PCDH1: variants seen among roughly 807,000 people sequenced by gnomAD.
The protein encoded by PCDH1 is protocadherin 1.
In PCDH1, 23 loss-of-function variants were observed where a neutral mutation model predicts 74.6. The ratio of observed to expected loss-of-function variants is 0.31; its 90% CI spans 0.22 to 0.44. PCDH1 has a LOEUF of 0.44. Ranked by LOEUF, PCDH1 falls within the 20% of genes least tolerant of loss-of-function variation. PCDH1 has a pLI of 1.00. For missense variants in PCDH1, 1,214 were observed against 1,641.4 expected (o/e 0.74, Z 4.50); for synonymous variants, 647 against 686.1 (o/e 0.94, Z 0.89).
In PCDH1 at chr5:141,868,415, G is replaced by A. The variant is rs749130520; in HGVS notation, c.903+154C>T. On this transcript the variant is annotated intron_variant, in intron 2 of 4. Coordinates refer to ENST00000287008, the MANE Select transcript of PCDH1 (RefSeq NM_032420.5). The surrounding 1 kb of genome is among the most constrained non-coding windows in gnomAD (Gnocchi z 4.8). ...TAATATCACCTGCTGGGGTGGGGTG[G>A]GAAAGACTCCCCTGGCTGAGTTTGG... The A allele has an allele frequency of 2.5e-5, 35 of 1,402,042 alleles. No homozygotes were observed. The highest frequency in any genetic ancestry group is 3.0e-5 in the Non-Finnish European group (32 of 1,082,858). The allele number at this position is 1,402,042 out of a possible 1,614,324, so 86.9% of individuals were successfully genotyped here.
rs764729762 is a variant in PCDH1, at chr5:141,869,570, C to A, written c.41-139G>T. 9.8e-6 allele frequency: 15 copies of A among 1,535,716 alleles called. No homozygotes were observed. The South Asian group carries it at 1.4e-4, about 15-fold the overall frequency. Reference sequence around the variant, plus strand: ...AAGAGCAGTCAGTCCCAGCACAGAACCCCGATTCCAGAAACTCAGATCCCT... The same window carrying A: ...AAGAGCAGTCAGTCCCAGCACAGAAACCCGATTCCAGAAACTCAGATCCCT... On this transcript the variant is annotated intron_variant, in intron 1 of 4. Coordinates refer to ENST00000287008, the MANE Select transcript of PCDH1 (RefSeq NM_032420.5). The surrounding 1 kb of genome is among the most constrained non-coding windows in gnomAD (Gnocchi z 4.9).
At chr5:141,866,087 C>A in intron 2 of PCDH1, 2 of 985,552 alleles carry the variant, frequency 2.0e-6, no homozygotes, top group Non-Finnish European at 2.4e-6. Context: ...CATCTGAAGG[C>A]CCCAGGTTGG....
rs187834793 is a variant in PCDH1, at chr5:141,866,214, C to T, written c.904-787G>A. The T allele has an allele frequency of 2.5e-5, 25 of 985,542 alleles. No homozygotes were observed. In the East Asian group the frequency reaches 1.5e-3, roughly 58 times the overall value. The allele number at this position is 985,542 out of a possible 1,614,324, so 61.0% of individuals were successfully genotyped here. On this transcript the variant is annotated intron_variant, in intron 2 of 4. Coordinates refer to ENST00000287008, the MANE Select transcript of PCDH1 (RefSeq NM_032420.5). The stretch of plus-strand genomic sequence containing the variant: ...CCTGTTTCAGCAGCAACTTCTCCTC[C>T]CGACTGGCACCGGCTGGCGAGGCAC...
rs556858145 is a variant in PCDH1, at chr5:141,865,762, T to C, written c.904-335A>G. On this transcript the variant is annotated intron_variant, in intron 2 of 4. Transcript: ENST00000287008. This position sits in a 1 kb window ranked among gnomAD's most constrained non-coding sequence, Gnocchi z 4.4. Reference sequence around the variant, plus strand: ...CAAAAATACCAGGAGAGGATGAGGATCCAATAGAACTAGGGAAGCCATTTC... The same window carrying C: ...CAAAAATACCAGGAGAGGATGAGGACCCAATAGAACTAGGGAAGCCATTTC... Among the ~76,000 whole-genome samples the C allele has an allele frequency of 1.9e-4, 29 of 152,306 alleles. No individual in the cohort carries two copies. In the East Asian group the frequency reaches 2.1e-3, roughly 11 times the overall value.
rs762626597 is a variant in PCDH1 at position 141,864,836 on chromosome 5, C to T, written c.1495G>A (p.Val499Ile). The T allele has an allele frequency of 1.5e-5, 25 of 1,614,094 alleles. No homozygotes were observed. The South Asian group carries it at 1.8e-4, about 11-fold the overall frequency. The change falls in exon 3 of 5, where the codon GTC (valine) becomes ATC (isoleucine). Residue 499 changes from valine (V) to isoleucine (I), a missense_variant. By Grantham distance (29) the Val-to-Ile change is conservative. Coordinates refer to ENST00000287008, the MANE Select transcript of PCDH1 (RefSeq NM_032420.5). This position sits in a 1 kb window ranked among gnomAD's most constrained non-coding sequence, Gnocchi z 5.9. The part of the protein sequence containing the change: ...TNSLKVQVVD[V>I]NDNAPVFTQS... ...GTGAAGACAGGTGCGTTGTCATTGA[C>T]GTCCACCACCTGCACCTTGAGGGAG...
At chr5:141,856,358 TTAGACAAGGGCCCGGGAGG>T in intron 4 of PCDH1, 1 of 58,944 alleles carries the variant, frequency 1.7e-5, no homozygotes, top group Non-Finnish European at 3.0e-5. Flanking sequence ...GCCTGGGAGG[TTAGACAAGGGCCCGGGAGG>T]TTAGACAAGG....
chr5:141,855,175 A>C (rs4912781), intron 4 of PCDH1, among the ~76,000 whole-genome samples: 46,869 of 151,538 alleles, frequency 0.31, 7,380 homozygotes, highest in Middle Eastern at 0.37. Context: ...GGTTTAAGCC[A>C]TGTTGCCCAG....
At chr5:141,856,308 G>T in intron 4 of PCDH1, 7 of 1,505,136 alleles carry the variant, frequency 4.7e-6, no homozygotes, top group Non-Finnish European at 6.3e-6. Context: ...ATCGCGCATG[G>T]AGGGGCGGGG....
At chr5:141,866,243 TGCGAGGAATCCGGCCTGAGCCTGCAGCCA>T in intron 2 of PCDH1, 1 of 985,486 alleles carries the variant, frequency 1.0e-6, no homozygotes, top group Non-Finnish European at 1.2e-6. Context: ...GAGGCACCAA[TGCGAGGAATCCGGCCTGAGCCTGCAGCCA>T]GGAGGGAGGG....
Position 141,868,404 on chromosome 5 carries a change from G to T in PCDH1, c.903+165C>A. On this transcript the variant is annotated intron_variant, in intron 2 of 4. Coordinates refer to ENST00000287008, the MANE Select transcript of PCDH1 (RefSeq NM_032420.5). The surrounding 1 kb of genome is among the most constrained non-coding windows in gnomAD (Gnocchi z 4.8). ...ATAGAGGAAAGTAATATCACCTGCT[G>T]GGGTGGGGTGGGAAAGACTCCCCTG... 7.2e-7 allele frequency: 1 copy of T among 1,393,968 alleles called. No homozygotes were observed. The highest frequency in any genetic ancestry group is 9.3e-7 in the Non-Finnish European group (1 of 1,079,452). The allele number at this position is 1,393,968 out of a possible 1,614,324, so 86.3% of individuals were successfully genotyped here.
chr5:141,876,048 G>T (rs1433978629), intron 1 of PCDH1, among the ~76,000 whole-genome samples: 1 of 152,224 alleles, frequency 6.6e-6, no homozygotes, highest in East Asian at 1.9e-4. Flanking sequence ...AGTCCGCACC[G>T]CCTTGGTCAG....
chr5:141,869,192 C>T lies in PCDH1; in HGVS notation c.280G>A (p.Val94Met), dbSNP rs1289225888. 3 of 1,614,070 alleles carry T rather than the reference C, an allele frequency of 1.9e-6. No individual in the cohort carries two copies. Among genetic ancestry groups the T allele is most frequent in the Admixed American group, 1.7e-5 (1 of 60,012 alleles). Residue 94 changes from valine (V) to methionine (M), a missense_variant, in exon 2 of 5, where the codon GTG becomes ATG. Physicochemically the swap from Val to Met is conservative, Grantham distance 21. This residue lies in a region of PCDH1 where 97 missense variants were observed against 173.2 expected (regional missense o/e 0.56). Coordinates refer to ENST00000287008, the MANE Select transcript of PCDH1 (RefSeq NM_032420.5). This position sits in a 1 kb window ranked among gnomAD's most constrained non-coding sequence, Gnocchi z 4.9. ...PDVGHLYKLE[V>M]GAPYLRVDGK... is the part of the protein sequence containing the mutation. The stretch of plus-strand genomic sequence containing the variant: ...TCCACGCGAAGGTACGGGGCACCCA[C>T]CTCTAGCTTGTACAGGTGCCCCACA...
Position 141,878,104 on chromosome 5 carries a change from C to A in PCDH1, c.40+119G>T. On this transcript the variant is annotated intron_variant, in intron 1 of 4. Transcript: ENST00000287008. This position sits in a 1 kb window ranked among gnomAD's most constrained non-coding sequence, Gnocchi z 5.5. Reference sequence around the variant, plus strand: ...AGCCCCCACCTCAGCCCCCTCGCGCCGAGCTCGTGTTGGGCCCCCGCGGCC... The same window carrying A: ...AGCCCCCACCTCAGCCCCCTCGCGCAGAGCTCGTGTTGGGCCCCCGCGGCC... 2 of 930,724 alleles carry A rather than the reference C, an allele frequency of 2.1e-6. No homozygotes were observed. Among genetic ancestry groups the A allele is most frequent in the Non-Finnish European group, 1.5e-6 (1 of 686,236 alleles). The allele number at this position is 930,724 out of a possible 1,614,324, so 57.7% of individuals were successfully genotyped here.
intron 3 of PCDH1, among the ~76,000 whole-genome samples, chr5:141,858,848 A>C (rs1752463393): frequency 6.6e-6 from 1 of 152,124 alleles, no homozygotes; most frequent in Non-Finnish European, 1.5e-5. Context: ...GAGGTTATGA[A>C]GATGGCCAGG....
intron 3 of PCDH1, chr5:141,862,749 G>A: frequency 2.0e-6 from 2 of 1,007,550 alleles, no homozygotes; most frequent in Non-Finnish European, 2.4e-6. Context: ...AATACACACA[G>A]AAGGCACAAT....
Position 141,857,385 on chromosome 5 carries a change from G to C in PCDH1, c.3186C>G (p.Gly1062=), listed in dbSNP as rs1463118222. The C allele has an allele frequency of 5.0e-6, 8 of 1,613,938 alleles. No homozygotes were observed. Among genetic ancestry groups the C allele is most frequent in the Non-Finnish European group, 5.9e-6 (7 of 1,179,976 alleles). Reference sequence around the variant, plus strand: ...TGGACGGCGTCTCAGACTCCTCCAGGCCACTGTCATAGTAACTGTGCTGGG... The same window carrying C: ...TGGACGGCGTCTCAGACTCCTCCAGCCCACTGTCATAGTAACTGTGCTGGG... ...DPSQHSYYDS[G]LEESETPSSK... is the part of the protein sequence containing the mutation. The change falls in exon 4 of 5, where the codon GGC becomes GGG. Residue 1062 remains glycine (G), a synonymous_variant. Coordinates refer to ENST00000287008, the MANE Select transcript of PCDH1 (RefSeq NM_032420.5).
At chr5:141,876,662 C>T (rs1753243751) in intron 1 of PCDH1, among the ~76,000 whole-genome samples, 1 of 152,230 alleles carries the variant, frequency 6.6e-6, no homozygotes, top group African/African-American at 2.4e-5. Context: ...ACAAATTCTG[C>T]TCCTATGCCT....
chr5:141,865,085 G>A lies in PCDH1; in HGVS notation c.1246C>T (p.Leu416=). ...TCATCTCGGTCAGACACCTGCACCAGGGCCACAGCTGTCTCCTCTGCCACA... is the reference window on the plus strand; with the variant it reads ...TCATCTCGGTCAGACACCTGCACCAAGGCCACAGCTGTCTCCTCTGCCACA... ...EDVAEETAVA[L]VQVSDRDEGE... Residue 416 remains leucine (L), a synonymous_variant, in exon 3 of 5, where the codon CTG becomes TTG. Transcript: ENST00000287008. This position sits in a 1 kb window ranked among gnomAD's most constrained non-coding sequence, Gnocchi z 4.4. 1 of 1,614,176 alleles carries A rather than the reference G, an allele frequency of 6.2e-7. No homozygotes were observed. The highest frequency in any genetic ancestry group is 1.1e-5 in the South Asian group (1 of 91,082).
At chr5:141,871,172 CT>C (rs1753088245) in intron 1 of PCDH1, among the ~76,000 whole-genome samples, 5 of 152,374 alleles carry the variant, frequency 3.3e-5, no homozygotes, top group African/African-American at 1.2e-4. Context: ...GGACAGTACT[CT>C]GTACACTCAC....
Sources: allele counts gnomAD v4.1 joint callset (sites outside exome capture counted in the v4.1 genomes callset), GRCh38; gene constraint gnomAD v4.1.1; regional missense constraint gnomAD v4.1.1; non-coding constraint Gnocchi (gnomAD v3.1); transcripts MANE v1.5; gene names NCBI Gene and HGNC (gene_info 2026-07-23, HGNC 2026-07-21).